The following FAM20C variants were observed in gnomAD, a reference collection of about 807,000 sequenced individuals.
The protein encoded by FAM20C is FAM20C golgi associated secretory pathway kinase.
FAM20C carries 40 observed loss-of-function variants against 51.5 expected under a neutral mutation model. The observed-to-expected ratio is 0.78, with a 90% CI of 0.60 to 1.01. FAM20C has a LOEUF of 1.01. Ranked by LOEUF, FAM20C falls within the 50% of genes least tolerant of loss-of-function variation. FAM20C has a pLI of 0.00. For synonymous variants in FAM20C, 406 were observed against 380.6 expected (o/e 1.07, Z -0.78); for missense variants, 861 against 844.7 (o/e 1.02, Z -0.24).
intron 5 of FAM20C, among the ~76,000 whole-genome samples, chr7:252,127 C>T (rs1411012134): frequency 1.3e-5 from 2 of 152,262 alleles, no homozygotes; most frequent in African/African-American, 4.8e-5. Flanking sequence ...GTCTCCCAAC[C>T]ACAGATGCCA....
Position 256,650 on chromosome 7 carries a change from G to A in FAM20C, c.1254-4G>A, listed in dbSNP as rs778956322. The A allele has an allele frequency of 1.2e-5, 19 of 1,535,044 alleles. No homozygotes were observed. The highest frequency in any genetic ancestry group is 1.2e-4 in the African/African-American group (9 of 73,034). On this transcript the variant is annotated splice_polypyrimidine_tract_variant and splice_region_variant and intron_variant, in intron 6 of 9. Coordinates refer to ENST00000313766, the MANE Select transcript of FAM20C (RefSeq NM_020223.4). ...GCCCCCCGTCTCACGCTGGCTCCCC[G>A]CAGGTGGGAGGTGGACCCTGACTAC...
At chr7:224,262 T>C (rs61033174) in intron 3 of FAM20C, among the ~76,000 whole-genome samples, 9,030 of 25,116 alleles carry the variant, frequency 0.36, 1,254 homozygotes, top group Middle Eastern at 0.47. Flanking sequence ...CGGGGTCGCA[T>C]GGCGGCTGTC....
intron 3 of FAM20C, among the ~76,000 whole-genome samples, chr7:241,556 T>TTGTGCG (rs1491091464): frequency 6.7e-6 from 1 of 149,050 alleles, no homozygotes; most frequent in African/African-American, 2.5e-5. Context: ...TCTGTGGGGG[T>TTGTGCG]TGTGTGTGTG....
At chr7:228,641 A>G in intron 3 of FAM20C, 1 of 456,236 alleles carries the variant, frequency 2.2e-6, no homozygotes, top group Non-Finnish European at 4.4e-6. Flanking sequence ...TGTCCCAACA[A>G]GAAGCTCAGG....
intron 2 of FAM20C, among the ~76,000 whole-genome samples, chr7:201,231 C>T (rs1258380838): frequency 1.3e-5 from 2 of 152,302 alleles, no homozygotes; most frequent in South Asian, 2.1e-4. Context: ...ACCGCCTGAC[C>T]GTGACCCCCA....
intron 3 of FAM20C, among the ~76,000 whole-genome samples, chr7:234,460 C>T (rs913022103): frequency 6.6e-5 from 10 of 152,222 alleles, no homozygotes; most frequent in East Asian, 3.9e-4. Context: ...GGTGGCTGGC[C>T]GAGGGCAGGG....
rs1400437544 is a variant in FAM20C at position 260,672 on chromosome 7, T to C, written c.*692T>C. On this transcript the variant is annotated 3_prime_UTR_variant, in exon 10 of 10. Transcript: ENST00000313766. ...CTGCAGGGCTGGCTGTGCGCAGCTG[T>C]GGGCTGACCTTTGCAGAGTTTTGTG... The C allele has an allele frequency of 1.3e-5, 2 of 152,318 alleles. No homozygotes were observed. Among genetic ancestry groups the C allele is most frequent in the Non-Finnish European group, 2.9e-5 (2 of 68,090 alleles). 9.4% of individuals were successfully genotyped at this position (152,318 alleles called of 1,614,324 possible).
chr7:195,836 C>T (rs954009393), intron 2 of FAM20C, 104 bp downstream of exon 2: 28 of 1,171,068 alleles, frequency 2.4e-5, no homozygotes, highest in Non-Finnish European at 2.9e-5. Context: ...GGCCGTTGCT[C>T]ATTACGGCAG....
At chr7:217,117 C>T (rs28698180) in intron 3 of FAM20C, among the ~76,000 whole-genome samples, 6,450 of 152,236 alleles carry the variant, frequency 0.042, 184 homozygotes, top group Middle Eastern at 0.078. Flanking sequence ...GGAGGATGGC[C>T]GTCAGCGGCC....
At chr7:196,970 G>T (rs549732410) in intron 2 of FAM20C, among the ~76,000 whole-genome samples, 1 of 152,052 alleles carries the variant, frequency 6.6e-6, no homozygotes, top group South Asian at 2.1e-4. Context: ...CCGTGAAAGC[G>T]CTGCCTTTCT....
At position 244,061 on chromosome 7, in the gene FAM20C, C is replaced by T. The variant is rs376574822; in HGVS notation, c.864-2354C>T. Among the ~76,000 whole-genome samples, 10 of 151,876 alleles carry T rather than the reference C, an allele frequency of 6.6e-5. No individual in the cohort carries two copies. The South Asian group carries it at 8.3e-4, about 13-fold the overall frequency. On this transcript the variant is annotated intron_variant, in intron 3 of 9. Transcript: ENST00000313766. ...GTGATCCTCCCATCTCAGCCTCCCG[C>T]GTAGCTGGGATCACAGGTGTGTGCC...
chr7:203,383 T>A (rs1786217311), intron 2 of FAM20C, among the ~76,000 whole-genome samples: 1 of 152,262 alleles, frequency 6.6e-6, no homozygotes. Context: ...CACCTTTTTT[T>A]CAAGGCCTGG....
intron 2 of FAM20C, among the ~76,000 whole-genome samples, chr7:196,585 CT>C (rs1785884870): frequency 1.3e-5 from 2 of 152,178 alleles, no homozygotes; most frequent in Admixed American, 6.5e-5. Context: ...GAAGGCAGGG[CT>C]TTCTTTGCGC....
At position 201,605 on chromosome 7, in the gene FAM20C, G is replaced by C. The variant is rs369121885; in HGVS notation, c.784+5873G>C. Among the ~76,000 whole-genome samples the C allele has an allele frequency of 3.9e-5, 6 of 152,234 alleles. 1 individual carries two copies. In the South Asian group the frequency reaches 1.2e-3, roughly 31 times the overall value. On this transcript the variant is annotated intron_variant, in intron 2 of 9. Transcript: ENST00000313766. The stretch of plus-strand genomic sequence containing the variant: ...AGCTTCCCAGTGGGTTGCCGGAGCT[G>C]TCTGGGGTTATGTGGCTTGCCTAAG...
chr7:247,109 G>A (rs1334920147), intron 4 of FAM20C, among the ~76,000 whole-genome samples: 1 of 152,232 alleles, frequency 6.6e-6, no homozygotes, highest in Non-Finnish European at 1.5e-5. Context: ...GGAGACCAAA[G>A]CAGGCTTCCT....
intron 2 of FAM20C, among the ~76,000 whole-genome samples, chr7:204,514 A>T (rs1394741269): frequency 6.6e-6 from 1 of 152,132 alleles, no homozygotes; most frequent in East Asian, 1.9e-4. Context: ...TGGGCACGTG[A>T]CCCGGGGTGT....
intron 8 of FAM20C, among the ~76,000 whole-genome samples, 157 bp from the exon 9 acceptor site, chr7:258,470 GGTGCTGGAGATGGGTGGGA>G (rs1181519839): frequency 4.8e-5 from 7 of 144,670 alleles, no homozygotes; most frequent in African/African-American, 1.8e-4. Context: ...CACTGCCTGG[GGTGCTGGAGATGGGTGGGA>G]TGGACCCACT....
intron 6 of FAM20C, 172 bp downstream of exon 6, chr7:256,201 G>A: frequency 1.2e-6 from 1 of 856,308 alleles, no homozygotes; most frequent in Non-Finnish European, 1.7e-6. Flanking sequence ...GGTGGCAGAG[G>A]GCGTCCTTAC....
intron 2 of FAM20C, among the ~76,000 whole-genome samples, chr7:198,320 G>A (rs1436931805): frequency 2.0e-5 from 3 of 152,166 alleles, no homozygotes; most frequent in African/African-American, 7.2e-5. Context: ...TGGGCAAATG[G>A]ATTAACGCCT....
Sources: gnomAD v4.1 joint callset for allele counts (sites outside exome capture counted in the v4.1 genomes callset) on GRCh38, gnomAD v4.1.1 for gene constraint, MANE v1.5 for transcripts, NCBI Gene and HGNC (gene_info 2026-07-23, HGNC 2026-07-21) for gene names.